IL1RAP: variants seen among roughly 807,000 people sequenced by gnomAD.
IL1RAP encodes interleukin-1 receptor accessory protein.
Under a neutral mutation model 60.7 loss-of-function variants are expected in IL1RAP, and 35 were observed. The observed-to-expected ratio is 0.58, with a 90% CI of 0.44 to 0.76. IL1RAP has a LOEUF of 0.76. Ranked by LOEUF, IL1RAP falls within the 30% of genes least tolerant of loss-of-function variation. The pLI, the probability that IL1RAP is intolerant of heterozygous loss-of-function variation, is 0.00. For missense variants in IL1RAP, 572 were observed against 693.9 expected (o/e 0.82, Z 1.97); for synonymous variants, 268 against 250.9 (o/e 1.07, Z -0.64).
intron 9 of IL1RAP, among the ~76,000 whole-genome samples, chr3:190,635,245 G>A (rs1733129712): frequency 6.6e-6 from 1 of 151,934 alleles, no homozygotes; most frequent in Admixed American, 6.6e-5. Context: ...AGTAATTGGT[G>A]TTTTGCCTTT....
chr3:190,553,934 G>T (rs890723994), intron 1 of IL1RAP, among the ~76,000 whole-genome samples: 1 of 150,642 alleles, frequency 6.6e-6, no homozygotes, highest in Admixed American at 6.6e-5. Flanking sequence ...AGTGGCGGGC[G>T]CCTGTAGTCC....
At chr3:190,560,329 C>G (rs1252129623) in intron 2 of IL1RAP, among the ~76,000 whole-genome samples, 13 of 152,152 alleles carry the variant, frequency 8.5e-5, no homozygotes, top group Admixed American at 8.5e-4. Flanking sequence ...GCGTGAATGG[C>G]CAAGTTTTCA....
At chr3:190,559,049 T>A (rs1725667244) in intron 2 of IL1RAP, among the ~76,000 whole-genome samples, 1 of 152,164 alleles carries the variant, frequency 6.6e-6, no homozygotes, top group Non-Finnish European at 1.5e-5. Context: ...TGGAGATGAA[T>A]ATATTTCTAT....
chr3:190,570,967 C>G (rs988501975), intron 3 of IL1RAP, among the ~76,000 whole-genome samples: 1 of 152,206 alleles, frequency 6.6e-6, no homozygotes, highest in East Asian at 1.9e-4. Flanking sequence ...GTTATGGTCT[C>G]TTTGAGATTT....
downstream of IL1RAP, among the ~76,000 whole-genome samples, chr3:190,652,621 G>C (rs975729278): frequency 7.9e-5 from 12 of 152,284 alleles, no homozygotes; most frequent in African/African-American, 2.4e-4. Flanking sequence ...CAAGGCAACA[G>C]ATTTCTGCTC....
At chr3:190,604,791 G>A (rs1409075957) in intron 4 of IL1RAP, among the ~76,000 whole-genome samples, 2 of 152,080 alleles carry the variant, frequency 1.3e-5, no homozygotes, top group Non-Finnish European at 2.9e-5. Flanking sequence ...GTTTTTCTTG[G>A]CATCTTTCAA....
chr3:190,537,028 A>T (rs73058195), intron 1 of IL1RAP, among the ~76,000 whole-genome samples: 15,108 of 151,716 alleles, frequency 0.1, 1,064 homozygotes, highest in East Asian at 0.36. Flanking sequence ...TAATATAGAT[A>T]TTTTTTTTAA....
intron 3 of IL1RAP, among the ~76,000 whole-genome samples, chr3:190,592,991 T>C (rs1020530178): frequency 6.6e-6 from 1 of 152,194 alleles, no homozygotes; most frequent in African/African-American, 2.4e-5. Flanking sequence ...ACAGGAGTAG[T>C]ACACTATTCG....
At chr3:190,522,337 CCTT>C (rs1722125402) in intron 1 of IL1RAP, among the ~76,000 whole-genome samples, 1 of 143,842 alleles carries the variant, frequency 7.0e-6, no homozygotes, top group South Asian at 2.1e-4. Context: ...TTCCTTCCTT[CCTT>C]CCTCCCTCCC....
At chr3:190,610,439 G>T (rs1362680678) in intron 5 of IL1RAP, among the ~76,000 whole-genome samples, 1 of 151,528 alleles carries the variant, frequency 6.6e-6, no homozygotes, top group African/African-American at 2.4e-5. Flanking sequence ...TAATCTAAGA[G>T]GAAGATCACA....
chr3:190,656,102 C>G, downstream of IL1RAP: 3 of 1,537,300 alleles, frequency 2.0e-6, no homozygotes, highest in Non-Finnish European at 1.7e-6. Flanking sequence ...GAGTCTGTGT[C>G]TTTTGTGAGC....
chr3:190,613,263 CAG>C (rs1232864657), intron 5 of IL1RAP, among the ~76,000 whole-genome samples: 2 of 152,118 alleles, frequency 1.3e-5, no homozygotes, highest in African/African-American at 2.4e-5. Context: ...TATGAAGTAA[CAG>C]AGGAGAAGCA....
In IL1RAP at chr3:190,582,566, C is replaced by T. The variant is rs193160236; in HGVS notation, c.64+18213C>T. ...CTCCTGACCTCAGGTGATCCACCCG[C>T]CTCGGCCTCCCAAAGTGCTGGGATT... On this transcript the variant is annotated intron_variant, in intron 3 of 11. Transcript: ENST00000447382. Among the ~76,000 whole-genome samples, 373 of 152,260 alleles carry T rather than the reference C, an allele frequency of 2.4e-3. 2 individuals are homozygous for T. The highest frequency in any genetic ancestry group is 8.6e-3 in the African/African-American group (356 of 41,546).
At chr3:190,555,204 G>A (rs1445763275) in intron 1 of IL1RAP, among the ~76,000 whole-genome samples, 2 of 152,268 alleles carry the variant, frequency 1.3e-5, no homozygotes, top group East Asian at 3.9e-4. Context: ...CAGGTGATAT[G>A]TCTGTTTTGG....
intron 5 of IL1RAP, among the ~76,000 whole-genome samples, chr3:190,617,981 G>A (rs1577739061): frequency 6.6e-6 from 1 of 152,116 alleles, no homozygotes; most frequent in East Asian, 1.9e-4. Flanking sequence ...AGGAAATACT[G>A]TTGACAAGTT....
intron 3 of IL1RAP, among the ~76,000 whole-genome samples, chr3:190,596,070 A>T (rs1704224021): frequency 6.6e-6 from 1 of 152,240 alleles, no homozygotes; most frequent in African/African-American, 2.4e-5. Flanking sequence ...GCCATATGGC[A>T]ACTAAGTGGC....
At chr3:190,659,409 A>T (rs1349986215) in exon 12 of IL1RAP, 1 of 152,178 alleles carries the variant, frequency 6.6e-6, no homozygotes, top group Non-Finnish European at 1.5e-5. Flanking sequence ...AAGATAATAG[A>T]CTATACTTCT....
chr3:190,629,523 T>C, intron 9 of IL1RAP, 25 bp downstream of exon 9: 2 of 1,587,390 alleles, frequency 1.3e-6, no homozygotes, highest in Non-Finnish European at 1.7e-6. Context: ...CAGTGATGAA[T>C]CTCTCAGCTC....
intron 3 of IL1RAP, among the ~76,000 whole-genome samples, chr3:190,603,851 T>G (rs1730062664): frequency 6.6e-6 from 1 of 152,172 alleles, no homozygotes; most frequent in Non-Finnish European, 1.5e-5. Context: ...CTTTCTTAGG[T>G]GAAACTTTCT....
Sources: gnomAD v4.1 joint callset for allele counts (sites outside exome capture counted in the v4.1 genomes callset) on GRCh38, gnomAD v4.1.1 for gene constraint, MANE v1.5 for transcripts, NCBI Gene and HGNC (gene_info 2026-07-23, HGNC 2026-07-21) for gene names.